Variants in NUDT7 observed in about 807,000 individuals in gnomAD.
NUDT7 encodes nudix hydrolase 7, also known as peroxisomal coenzyme A diphosphatase NUDT7.
Under a neutral mutation model 13.1 loss-of-function variants are expected in NUDT7, and 19 were observed. The ratio of observed to expected loss-of-function variants is 1.45; its 90% confidence interval spans 1.01 to 2.13. The LOEUF is 2.13. Ranked by LOEUF, NUDT7 falls within the 30% of genes most tolerant of loss-of-function variation. The pLI, the probability that NUDT7 is intolerant of heterozygous loss-of-function variation, is 0.00. For missense variants in NUDT7, 360 were observed against 291.7 expected (o/e 1.23, Z -1.71); for synonymous variants, 132 against 109.7 (o/e 1.20, Z -1.27).
At position 77,722,617 on chromosome 16, in the gene NUDT7, G is replaced by A. The variant is rs765682086; in HGVS notation, c.35G>A (p.Arg12Lys). The A allele has an allele frequency of 5.6e-6, 9 of 1,593,628 alleles. No individual in the cohort carries two copies. The highest frequency in any genetic ancestry group is 2.3e-5 in the South Asian group (2 of 87,716). ...SRLGLPEEPV[R>K]NSLLDDAKAR... ...CTTGGTCTTCCCGAGGAGCCAGTCAGGTAAAGGCTTTCCGGGCCCTGGCAC... is the reference window on the plus strand; with the variant it reads ...CTTGGTCTTCCCGAGGAGCCAGTCAAGTAAAGGCTTTCCGGGCCCTGGCAC... Residue 12 changes from arginine (R) to lysine (K), a missense_variant and splice_region_variant, in exon 1 of 4, where the codon AGA (arginine) becomes AAA (lysine). Arg to Lys is a conservative substitution (Grantham distance 26, BLOSUM62 2). Coordinates refer to ENST00000268533, the MANE Select transcript of NUDT7 (RefSeq NM_001105663.3).
In NUDT7 at chr16:77,725,471, T is replaced by C; in HGVS notation, c.76T>C (p.Tyr26His). ...LDDAKARLRK[Y>H]DIGGKYSHLP... is the part of the protein sequence containing the mutation. ...TGATGCTAAGGCCCGCTTAAGAAAG[T>C]ATGATATTGGAGGCAAATATTCTCA... Residue 26 changes from tyrosine (Y) to histidine (H), a missense_variant, in exon 2 of 4, where the codon TAT (tyrosine) becomes CAT (histidine). Transcript: ENST00000268533. 1.2e-6 allele frequency: 2 copies of C among 1,613,870 alleles called. No individual in the cohort carries two copies. The highest frequency in any genetic ancestry group is 1.7e-6 in the Non-Finnish European group (2 of 1,179,852).
At chr16:77,736,785 G>C (rs1242919751) in intron 3 of NUDT7, 1 of 172,382 alleles carries the variant, frequency 5.8e-6, no homozygotes, top group Admixed American at 6.1e-5. Flanking sequence ...ACTTTCTATC[G>C]GTTCACCACA....
intron 2 of NUDT7, among the ~76,000 whole-genome samples, chr16:77,731,212 C>A (rs1178117253): frequency 6.6e-5 from 10 of 152,102 alleles, no homozygotes; most frequent in Admixed American, 4.6e-4. Context: ...ATGATCTTTT[C>A]CAATTCCTAT....
chr16:77,741,999 C>T lies in NUDT7; in HGVS notation c.*49C>T. ...ACTATTCACGAGGATTCTGTGTGTG[C>T]TTATTCGTAGAACAACAACAATGCC... On this transcript the variant is annotated 3_prime_UTR_variant, in exon 4 of 4. Transcript: ENST00000268533. 6.6e-7 allele frequency: 1 copy of T among 1,512,376 alleles called. No homozygotes were observed. The highest frequency in any genetic ancestry group is 8.8e-7 in the Non-Finnish European group (1 of 1,138,326). 93.7% of individuals were successfully genotyped at this position (1,512,376 alleles called of 1,614,324 possible). A position where few individuals can be genotyped will look rare whatever the true frequency, so the allele number is the denominator to read the frequency against.
At chr16:77,729,422 C>G (rs771483771) in intron 2 of NUDT7, among the ~76,000 whole-genome samples, 2 of 152,088 alleles carry the variant, frequency 1.3e-5, no homozygotes, top group Non-Finnish European at 2.9e-5. Flanking sequence ...CACAATACCT[C>G]ACATAGTAAC....
At chr16:77,736,294 T>C (rs2014481960) in intron 3 of NUDT7, 2 of 244,978 alleles carry the variant, frequency 8.2e-6, no homozygotes, top group South Asian at 2.0e-4. Context: ...CACATTTATT[T>C]TTCTCCAGTA....
At chr16:77,735,370 C>A in intron 2 of NUDT7, 1 of 541,680 alleles carries the variant, frequency 1.8e-6, no homozygotes, top group South Asian at 2.8e-5. Flanking sequence ...CACCTCCCCT[C>A]CCTCTCTCTG....
chr16:77,740,387 G>A (rs2145130548), intron 3 of NUDT7, among the ~76,000 whole-genome samples: 1 of 152,164 alleles, frequency 6.6e-6, no homozygotes, highest in South Asian at 2.1e-4. Flanking sequence ...GATGCTCCAG[G>A]AATTCCAGTT....
chr16:77,732,176 A>T (rs1269175964), intron 2 of NUDT7, among the ~76,000 whole-genome samples: 1 of 152,058 alleles, frequency 6.6e-6, no homozygotes, highest in Non-Finnish European at 1.5e-5. Context: ...AAAAATACAA[A>T]AATTAGCCAG....
chr16:77,726,062 C>A (rs539031259), intron 2 of NUDT7, among the ~76,000 whole-genome samples: 2 of 152,296 alleles, frequency 1.3e-5, no homozygotes, highest in East Asian at 1.9e-4. Context: ...AATTGCCCCC[C>A]ACCAAGGGCC....
At chr16:77,730,438 A>G (rs569206099) in intron 2 of NUDT7, among the ~76,000 whole-genome samples, 34 of 152,140 alleles carry the variant, frequency 2.2e-4, no homozygotes, top group Non-Finnish European at 4.6e-4. Context: ...TGTTGTCACA[A>G]ATGACAGGAT....
rs2013992737 is a variant in NUDT7 at position 77,722,615 on chromosome 16, C to T, written c.33C>T (p.Val11=). 2 of 1,593,676 alleles carry T rather than the reference C, an allele frequency of 1.3e-6. No individual in the cohort carries two copies. Among genetic ancestry groups the T allele is most frequent in the Non-Finnish European group, 1.7e-6 (2 of 1,169,496 alleles). MSRLGLPEEP[V]RNSLLDDAKA... is the part of the protein sequence containing the mutation. Reference sequence around the variant, plus strand: ...GACTTGGTCTTCCCGAGGAGCCAGTCAGGTAAAGGCTTTCCGGGCCCTGGC... The same window carrying T: ...GACTTGGTCTTCCCGAGGAGCCAGTTAGGTAAAGGCTTTCCGGGCCCTGGC... The change falls in exon 1 of 4, where the codon GTC becomes GTT. Residue 11 remains valine (V), a splice_region_variant and synonymous_variant. Coordinates refer to ENST00000268533, the MANE Select transcript of NUDT7 (RefSeq NM_001105663.3).
rs1315882407 is a variant in NUDT7 at position 77,722,703 on chromosome 16, G to T, written c.35+86G>T. 5.1e-6 allele frequency: 7 copies of T among 1,371,582 alleles called. No individual in the cohort carries two copies. In the South Asian group the frequency reaches 7.5e-5, roughly 15 times the overall value. 85.0% of individuals were successfully genotyped at this position (1,371,582 alleles called of 1,614,324 possible). ...GAGGCCACCGGGGCCTTTTGGCCGGGACTGATTTTGCAGCTCCCGCCAGTC... is the reference window on the plus strand; with the variant it reads ...GAGGCCACCGGGGCCTTTTGGCCGGTACTGATTTTGCAGCTCCCGCCAGTC... On this transcript the variant is annotated intron_variant, in intron 1 of 3. Coordinates refer to ENST00000268533, the MANE Select transcript of NUDT7 (RefSeq NM_001105663.3).
chr16:77,732,314 G>A (rs1475720627), intron 2 of NUDT7, among the ~76,000 whole-genome samples: 8 of 148,478 alleles, frequency 5.4e-5, no homozygotes, highest in African/African-American at 1.7e-4. Context: ...GTCGACAGAC[G>A]AGAACACGTC....
chr16:77,732,842 G>A (rs1239206873), intron 2 of NUDT7, among the ~76,000 whole-genome samples: 3 of 152,168 alleles, frequency 2.0e-5, no homozygotes, highest in Non-Finnish European at 2.9e-5. Context: ...TGTCAAGCCT[G>A]ATGACTGCTT....
At chr16:77,739,035 TAGC>T (rs2014576210) in intron 3 of NUDT7, among the ~76,000 whole-genome samples, 1 of 152,202 alleles carries the variant, frequency 6.6e-6, no homozygotes, top group Non-Finnish European at 1.5e-5. Flanking sequence ...TCACCAATGG[TAGC>T]AGCAACCACG....
At chr16:77,737,909 G>T (rs886636693) in intron 3 of NUDT7, among the ~76,000 whole-genome samples, 1 of 152,104 alleles carries the variant, frequency 6.6e-6, no homozygotes, top group Non-Finnish European at 1.5e-5. Flanking sequence ...CTGAAGTCTT[G>T]GTGGGGCAGT....
chr16:77,742,236 T>C lies in NUDT7; in HGVS notation c.*286T>C. ...GAATATCTGGCACATACTAGGCCCT[T>C]AATAAAGATTTTTTGAATATATAAC... is the stretch of plus-strand genomic sequence containing the variant. On this transcript the variant is annotated 3_prime_UTR_variant, in exon 4 of 4. Transcript: ENST00000268533. 2 of 726,238 alleles carry C rather than the reference T, an allele frequency of 2.8e-6. No homozygotes were observed. Among genetic ancestry groups the C allele is most frequent in the African/African-American group, 1.8e-5 (1 of 54,538 alleles). 45.0% of individuals were successfully genotyped at this position (726,238 alleles called of 1,614,324 possible).
chr16:77,728,813 C>T (rs767209562), intron 2 of NUDT7, among the ~76,000 whole-genome samples: 12 of 152,216 alleles, frequency 7.9e-5, no homozygotes, highest in Non-Finnish European at 1.0e-4. Context: ...CATTGCACAC[C>T]TGGGCACAGC....
Sources: allele counts gnomAD v4.1 joint callset (sites outside exome capture counted in the v4.1 genomes callset), GRCh38; gene constraint gnomAD v4.1.1; transcripts MANE v1.5; gene names NCBI Gene and HGNC (gene_info 2026-07-23, HGNC 2026-07-21).